GPHN: variants seen among roughly 807,000 people sequenced by gnomAD.
The protein encoded by GPHN is gephyrin.
In GPHN, 17 loss-of-function variants were observed where a neutral mutation model predicts 95.5. The observed-to-expected ratio is 0.18, with a 90% CI of 0.12 to 0.27. The LOEUF (loss-of-function observed/expected upper bound fraction) is 0.27. GPHN is among the 10% of genes least tolerant of loss of function. GPHN has a pLI of 1.00. For synonymous variants in GPHN, 320 were observed against 322.5 expected, an observed-to-expected ratio of 0.99 and a Z score of 0.08; for missense variants, 660 against 978.1, an observed-to-expected ratio of 0.67 and a Z score of 4.34.
intron 10 of GPHN, among the ~76,000 whole-genome samples, chr14:67,052,417 T>C (rs911802858): frequency 6.6e-6 from 1 of 151,236 alleles, no homozygotes; most frequent in South Asian, 2.1e-4. Context: ...GTGCTAACTA[T>C]CCTAAATATA....
the GPHN span, among the ~76,000 whole-genome samples, chr14:67,332,014 C>T: frequency 6.6e-6 from 1 of 152,126 alleles, no homozygotes; most frequent in African/African-American, 2.4e-5. Context: ...TACAGAAGTT[C>T]AAACAGTTGA....
At chr14:67,177,728 T>C (rs1204417493) in intron 21 of GPHN, among the ~76,000 whole-genome samples, 1 of 152,164 alleles carries the variant, frequency 6.6e-6, no homozygotes, top group East Asian at 1.9e-4. Flanking sequence ...TCTTTGTAGG[T>C]CTCTAAGAGC....
chr14:67,671,950 C>A, the GPHN span, among the ~76,000 whole-genome samples: 1 of 152,092 alleles, frequency 6.6e-6, no homozygotes, highest in South Asian at 2.1e-4. Context: ...CCTCTTAATG[C>A]GATTAAAATA....
At chr14:67,165,865 T>A (rs534320770) in intron 20 of GPHN, among the ~76,000 whole-genome samples, 2 of 152,314 alleles carry the variant, frequency 1.3e-5, no homozygotes, top group South Asian at 4.1e-4. Context: ...CAGTTCACGA[T>A]GATTTTCAAA....
the GPHN span, among the ~76,000 whole-genome samples, chr14:67,474,314 T>C: frequency 1.3e-5 from 2 of 151,838 alleles, no homozygotes. Flanking sequence ...CCCCACTGAC[T>C]TCTCTGCAAC....
the GPHN span, among the ~76,000 whole-genome samples, chr14:67,680,557 C>G: frequency 6.6e-6 from 1 of 152,192 alleles, no homozygotes; most frequent in Non-Finnish European, 1.5e-5. Context: ...TCCCCAGGCT[C>G]AGGTGATCCT....
chr14:67,441,720 T>C, the GPHN span: 2 of 148,434 alleles, frequency 1.3e-5, no homozygotes, highest in Non-Finnish European at 3.1e-5. Context: ...GAGGCCTGAA[T>C]AGAACCGAAA....
chr14:66,970,636 T>C (rs2069692156), intron 9 of GPHN, among the ~76,000 whole-genome samples: 1 of 152,176 alleles, frequency 6.6e-6, no homozygotes, highest in African/African-American at 2.4e-5. Flanking sequence ...CGGCAAATTA[T>C]TTTTTTCCTA....
At chr14:67,573,311 G>A in the GPHN span, 597 of 1,613,590 alleles carry the variant, frequency 3.7e-4, no homozygotes, top group Non-Finnish European at 4.9e-4. This position sits in a 1 kb window ranked among gnomAD's most constrained non-coding sequence, Gnocchi z 4.8. Flanking sequence ...TGCTGAAAAT[G>A]GGGAGCCAGG....
intron 2 of GPHN, among the ~76,000 whole-genome samples, chr14:66,752,657 A>G (rs575914131): frequency 3.3e-5 from 5 of 152,242 alleles, no homozygotes; most frequent in African/African-American, 1.2e-4. Flanking sequence ...CAGACATGAT[A>G]TTAATGAAAA....
chr14:66,979,699 C>T (rs2070516844), intron 9 of GPHN, among the ~76,000 whole-genome samples: 1 of 152,168 alleles, frequency 6.6e-6, no homozygotes, highest in South Asian at 2.1e-4. Context: ...TTTAAATTTC[C>T]TTCCAGAACT....
the GPHN span, among the ~76,000 whole-genome samples, chr14:67,361,897 C>T: frequency 6.6e-6 from 1 of 152,088 alleles, no homozygotes; most frequent in African/African-American, 2.4e-5. Flanking sequence ...ATTTCTGTTC[C>T]ACCTTTCCTG....
chr14:66,813,487 T>C (rs1205021370), intron 3 of GPHN, among the ~76,000 whole-genome samples: 1 of 152,198 alleles, frequency 6.6e-6, no homozygotes, highest in Non-Finnish European at 1.5e-5. Context: ...TCCAGGAGCA[T>C]GGGTGAGTTG....
At chr14:66,829,606 T>C (rs1596051482) in intron 4 of GPHN, among the ~76,000 whole-genome samples, 3 of 152,300 alleles carry the variant, frequency 2.0e-5, no homozygotes, top group South Asian at 4.1e-4. Flanking sequence ...AATGTTAAAC[T>C]GTTAAATATT....
intron 10 of GPHN, among the ~76,000 whole-genome samples, chr14:67,047,366 G>GTT (rs1196897917): frequency 3.7e-4 from 40 of 108,756 alleles, no homozygotes; most frequent in African/African-American, 9.2e-4. Context: ...GTGTGTGTTT[G>GTT]TTTTTTTTTT....
chr14:66,747,240 T>C (rs565378327), intron 2 of GPHN, among the ~76,000 whole-genome samples: 2 of 152,298 alleles, frequency 1.3e-5, no homozygotes, highest in East Asian at 3.9e-4. Context: ...CTGGTCTTAT[T>C]TCATCTTACT....
At chr14:67,425,645 T>C in the GPHN span, among the ~76,000 whole-genome samples, 17 of 152,290 alleles carry the variant, frequency 1.1e-4, no homozygotes, top group South Asian at 1.9e-3. Flanking sequence ...ATGAGGTCCT[T>C]CCTTTCGAAA....
the GPHN span, chr14:67,583,700 T>G: frequency 6.4e-6 from 10 of 1,557,112 alleles, no homozygotes; most frequent in Non-Finnish European, 8.8e-6. Context: ...GCCCATCCAC[T>G]GTCAGATTTT....
chr14:67,592,654 T>A, the GPHN span: 1 of 1,604,002 alleles, frequency 6.2e-7, no homozygotes, highest in East Asian at 2.2e-5. Context: ...GGGTACTACT[T>A]GGGATATCCC....
Sources: gnomAD v4.1 joint callset for allele counts (sites outside exome capture counted in the v4.1 genomes callset) on GRCh38, gnomAD v4.1.1 for gene constraint, Gnocchi (gnomAD v3.1) non-coding constraint, MANE v1.5 for transcripts, NCBI Gene and HGNC (gene_info 2026-07-23, HGNC 2026-07-21) for gene names.